The following ADGRA3 variants were observed in gnomAD, a reference collection of about 807,000 sequenced individuals.
ADGRA3 encodes the protein adhesion G protein-coupled receptor A3, also known as G-protein coupled receptor 125.
A neutral mutation model predicts 119.8 loss-of-function variants in ADGRA3; 56 were observed. That is an observed-to-expected ratio of 0.47 (90% CI 0.38 to 0.58). The LOEUF is 0.58. Among genes scored for constraint, ADGRA3 ranks in the 20% least tolerant of loss-of-function variants. ADGRA3 has a pLI of 0.00. For synonymous variants in ADGRA3, 607 were observed against 623.8 expected (o/e 0.97, Z 0.40); for missense variants, 1,516 against 1,649.0 (o/e 0.92, Z 1.40).
At chr4:22,418,487 C>T (rs1715517108) in intron 12 of ADGRA3, among the ~76,000 whole-genome samples, 1 of 151,948 alleles carries the variant, frequency 6.6e-6, no homozygotes, top group African/African-American at 2.4e-5. Flanking sequence ...AGTAGGGATT[C>T]GAGTAGGAGA....
intron 1 of ADGRA3, among the ~76,000 whole-genome samples, chr4:22,487,040 C>G (rs1718453559): frequency 6.6e-6 from 1 of 152,138 alleles, no homozygotes; most frequent in Admixed American, 6.5e-5. Flanking sequence ...GAATACCAAC[C>G]AGGCTGGGCT....
intron 10 of ADGRA3, among the ~76,000 whole-genome samples, chr4:22,425,072 TAAAAAAAA>T (rs756972669): frequency 7.8e-6 from 1 of 128,906 alleles, no homozygotes; most frequent in Non-Finnish European, 1.7e-5. Flanking sequence ...GAGACACTCT[TAAAAAAAA>T]AAAAAAAAAG....
chr4:22,390,432 TTA>T (rs371516836), intron 17 of ADGRA3, among the ~76,000 whole-genome samples: 3 of 17,564 alleles, frequency 1.7e-4, no homozygotes, highest in South Asian at 1.4e-3. Context: ...ATAATACGTA[TTA>T]TATATATATA....
chr4:22,449,765 G>A (rs911896708), intron 4 of ADGRA3, among the ~76,000 whole-genome samples: 2 of 151,632 alleles, frequency 1.3e-5, no homozygotes, highest in East Asian at 3.9e-4. Flanking sequence ...GACACCTTAA[G>A]CCTAAGGCTA....
chr4:22,476,679 T>TTTG (rs1553880018), intron 1 of ADGRA3, among the ~76,000 whole-genome samples: 3 of 151,750 alleles, frequency 2.0e-5, no homozygotes, highest in African/African-American at 4.8e-5. Context: ...GGGTTTTTTT[T>TTTG]TTTTTAGACG....
At chr4:22,496,011 A>C (rs1718812566) in intron 1 of ADGRA3, among the ~76,000 whole-genome samples, 1 of 152,218 alleles carries the variant, frequency 6.6e-6, no homozygotes, top group South Asian at 2.1e-4. Flanking sequence ...AGGCAATGAT[A>C]CCAACAGCTG....
chr4:22,448,287 T>C (rs1196240087), intron 4 of ADGRA3, among the ~76,000 whole-genome samples: 1 of 152,180 alleles, frequency 6.6e-6, no homozygotes, highest in African/African-American at 2.4e-5. Context: ...TAAATGGTGC[T>C]CAATAATTGC....
At position 22,387,990 on chromosome 4, in the gene ADGRA3, G is replaced by C; in HGVS notation, c.3681C>G (p.Tyr1227Ter). The change falls in exon 19 of 19, where the codon TAC becomes TAG. Residue 1227 changes from tyrosine (Y) to a stop codon, truncating the protein, a stop_gained. Transcript: ENST00000334304. LOFTEE classifies it high-confidence loss of function. ...HSRSRRAYLA[Y>*]RERQYNPPQQ... ...GGGGTGGGTTGTACTGTCTCTCTCTGTAGGCTAAATAAGCTCTTCGGCTCC... is the reference window on the plus strand; with the variant it reads ...GGGGTGGGTTGTACTGTCTCTCTCTCTAGGCTAAATAAGCTCTTCGGCTCC... 1.2e-6 allele frequency: 2 copies of C among 1,614,176 alleles called. No individual in the cohort carries two copies. Among genetic ancestry groups the C allele is most frequent in the Non-Finnish European group, 1.7e-6 (2 of 1,180,014 alleles).
At chr4:22,472,040 A>G (rs557390480) in intron 2 of ADGRA3, among the ~76,000 whole-genome samples, 2 of 152,334 alleles carry the variant, frequency 1.3e-5, no homozygotes, top group Non-Finnish European at 2.9e-5. Context: ...ATGAACAGCC[A>G]CATCAATCTT....
chr4:22,480,400 T>C (rs1001375059), intron 1 of ADGRA3, among the ~76,000 whole-genome samples: 1 of 152,110 alleles, frequency 6.6e-6, no homozygotes, highest in Non-Finnish European at 1.5e-5. Flanking sequence ...CAGCTGGGCA[T>C]GGTAGCTTAA....
At chr4:22,455,716 AATT>A in intron 3 of ADGRA3, 2 of 735,348 alleles carry the variant, frequency 2.7e-6, no homozygotes, top group Non-Finnish European at 3.9e-6. Context: ...CAATGAACAC[AATT>A]TTATTTTTAC....
chr4:22,435,189 TA>T lies in ADGRA3; in HGVS notation c.1443+121del. The stretch of plus-strand genomic sequence containing the variant: ...GTATCTCAATAAAATTCTGGAAATT[TA>T]AAAGCATGCTTTTAGCTCAAATATG... On this transcript the variant is annotated intron_variant, in intron 10 of 18. Transcript: ENST00000334304. 4.6e-6 allele frequency: 4 copies of T among 860,782 alleles called. No homozygotes were observed. The South Asian group carries it at 5.7e-5, about 12-fold the overall frequency. The allele number at this position is 860,782 out of a possible 1,614,324, so 53.3% of individuals were successfully genotyped here.
At chr4:22,476,617 A>T (rs954953624) in intron 1 of ADGRA3, among the ~76,000 whole-genome samples, 1 of 151,522 alleles carries the variant, frequency 6.6e-6, no homozygotes, top group African/African-American at 2.4e-5. Context: ...AATGATCGCT[A>T]TTTTAGTGAT....
rs185072340 is a variant in ADGRA3 at position 22,472,826 on chromosome 4, C to T, written c.329+946G>A. ...AGGACAGTGTGTTATTCCACAGAAA[C>T]GGAGACATCTTACAGTGTAGCTCCC... On this transcript the variant is annotated intron_variant, in intron 2 of 18. Coordinates refer to ENST00000334304, the MANE Select transcript of ADGRA3 (RefSeq NM_145290.4). Among the ~76,000 whole-genome samples, 14 of 152,196 alleles carry T rather than the reference C, an allele frequency of 9.2e-5. No homozygotes were observed. The East Asian group carries it at 1.9e-3, about 21-fold the overall frequency.
chr4:22,449,305 A>C (rs938291342), intron 4 of ADGRA3, among the ~76,000 whole-genome samples: 1 of 152,050 alleles, frequency 6.6e-6, no homozygotes, highest in Non-Finnish European at 1.5e-5. Context: ...AAAGTAACTT[A>C]GATGCAATTA....
At chr4:22,460,219 T>A (rs1717393265) in intron 3 of ADGRA3, among the ~76,000 whole-genome samples, 1 of 152,144 alleles carries the variant, frequency 6.6e-6, no homozygotes. Context: ...TTACAGCGCC[T>A]GTGTGTGCGT....
chr4:22,495,642 C>T (rs1163281946), intron 1 of ADGRA3, among the ~76,000 whole-genome samples: 1 of 152,050 alleles, frequency 6.6e-6, no homozygotes, highest in Non-Finnish European at 1.5e-5. Context: ...GGCGTGGTGG[C>T]TCACGCCTGT....
At chr4:22,499,824 T>A (rs1245777038) in intron 1 of ADGRA3, among the ~76,000 whole-genome samples, 1 of 152,216 alleles carries the variant, frequency 6.6e-6, no homozygotes, top group Non-Finnish European at 1.5e-5. Flanking sequence ...ATTCTTTCCT[T>A]CAACAGTTGT....
At chr4:22,436,796 T>C (rs1447438943) in intron 8 of ADGRA3, among the ~76,000 whole-genome samples, 155 bp from the exon 9 acceptor site, 1 of 152,224 alleles carries the variant, frequency 6.6e-6, no homozygotes, top group African/African-American at 2.4e-5. Flanking sequence ...ACCTTTGTTA[T>C]TTGAACTCTA....
Sources: gnomAD v4.1 joint callset for allele counts (sites outside exome capture counted in the v4.1 genomes callset) on GRCh38, gnomAD v4.1.1 for gene constraint, MANE v1.5 for transcripts, NCBI Gene and HGNC (gene_info 2026-07-23, HGNC 2026-07-21) for gene names.